The following CPLX1 variants were observed in gnomAD, a reference collection of about 807,000 sequenced individuals.
CPLX1 encodes the protein complexin-1.
Under a neutral mutation model 15.6 loss-of-function variants are expected in CPLX1, and 6 were observed. The ratio of observed to expected loss-of-function variants is 0.39; its 90% confidence interval spans 0.21 to 0.76. The LOEUF is 0.76. Among genes scored for constraint, CPLX1 ranks in the 30% least tolerant of loss-of-function variants. The pLI, the probability that CPLX1 is intolerant of heterozygous loss-of-function variation, is 0.43. For missense variants in CPLX1, 242 were observed against 188.6 expected, an observed-to-expected ratio of 1.28 and a Z score of -1.66; for synonymous variants, 91 against 75.2, an observed-to-expected ratio of 1.21 and a Z score of -1.08.
intron 2 of CPLX1, chr4:805,005 C>T (rs1036769886): frequency 1.1e-6 from 1 of 896,606 alleles, no homozygotes; most frequent in Non-Finnish European, 1.3e-6. Flanking sequence ...TGTGGAGAAA[C>T]GTGCCCACGC....
At chr4:799,731 C>T (rs1227475505) in intron 2 of CPLX1, among the ~76,000 whole-genome samples, 1 of 152,150 alleles carries the variant, frequency 6.6e-6, no homozygotes, top group Non-Finnish European at 1.5e-5. Context: ...GGCATGGTGG[C>T]ATGTGCCTGT....
chr4:824,407 T>A lies in CPLX1; in HGVS notation c.31+85A>T, dbSNP rs1210753702. 3 of 1,251,696 alleles carry A rather than the reference T, an allele frequency of 2.4e-6. No individual in the cohort carries two copies. In the African/African-American group the frequency reaches 4.4e-5, roughly 18 times the overall value. The allele number at this position is 1,251,696 out of a possible 1,614,324, so 77.5% of individuals were successfully genotyped here. On this transcript the variant is annotated intron_variant, in intron 2 of 3. Transcript: ENST00000304062. ...GGCCGTGTGGCTGCAGGGGCGCTGC[T>A]GCGGTGGGCCAGATGAGGAGCAGCT... is the stretch of plus-strand genomic sequence containing the variant.
intron 2 of CPLX1, among the ~76,000 whole-genome samples, chr4:800,724 TAAA>T (rs200021525): frequency 0.4 from 30,070 of 75,932 alleles, 4,094 homozygotes; most frequent in South Asian, 0.51. Context: ...CCGTCTCTAC[TAAA>T]AAAAAAAATA....
chr4:825,167 A>C (rs1489420043), intron 1 of CPLX1, among the ~76,000 whole-genome samples: 3 of 151,492 alleles, frequency 2.0e-5, no homozygotes, highest in Non-Finnish European at 1.5e-5. Context: ...CTCAGCCTTC[A>C]GGAAACACGT....
intron 2 of CPLX1, among the ~76,000 whole-genome samples, chr4:794,994 G>A (rs1216633403): frequency 6.6e-6 from 1 of 152,230 alleles, no homozygotes; most frequent in Non-Finnish European, 1.5e-5. Context: ...GCCCTGGGCT[G>A]GTCCAGGCGC....
chr4:807,497 G>A (rs1005100820), intron 2 of CPLX1, among the ~76,000 whole-genome samples: 18 of 151,710 alleles, frequency 1.2e-4, no homozygotes, highest in African/African-American at 4.3e-4. Flanking sequence ...TTTTGAGATG[G>A]AGTTTCATTC....
rs548841510 is a variant in CPLX1, at chr4:817,911, C to T, written c.31+6581G>A. ...AGTATCTCAGAATATTTTCCCCATC[C>T]GGTGTCAAGGAATAAACCAGCATCT... On this transcript the variant is annotated intron_variant, in intron 2 of 3. Coordinates refer to ENST00000304062, the MANE Select transcript of CPLX1 (RefSeq NM_006651.4). Among the ~76,000 whole-genome samples the T allele has an allele frequency of 1.3e-4, 20 of 152,282 alleles. No homozygotes were observed. In the East Asian group the frequency reaches 3.3e-3, roughly 25 times the overall value.
At chr4:822,196 C>G (rs1476385138) in intron 2 of CPLX1, among the ~76,000 whole-genome samples, 1 of 151,608 alleles carries the variant, frequency 6.6e-6, no homozygotes, top group African/African-American at 2.4e-5. Context: ...CCCTCTGTCT[C>G]TGTCTCCATC....
In CPLX1 at chr4:812,000, A is replaced by C. The variant is rs937958625; in HGVS notation, c.31+12492T>G. On this transcript the variant is annotated intron_variant, in intron 2 of 3. Coordinates refer to ENST00000304062, the MANE Select transcript of CPLX1 (RefSeq NM_006651.4). ...CTTGCACTGAAATCTCCTTGGTCTT[A>C]TATTAATATAGCCACTCAAGTTTTC... Among the ~76,000 whole-genome samples the C allele has an allele frequency of 4.6e-5, 7 of 152,252 alleles. No individual in the cohort carries two copies. The South Asian group carries it at 6.2e-4, about 14-fold the overall frequency.
At chr4:821,450 G>A (rs909823898) in intron 2 of CPLX1, among the ~76,000 whole-genome samples, 55 of 152,186 alleles carry the variant, frequency 3.6e-4, no homozygotes, top group Admixed American at 9.2e-4. Context: ...GGACCTGAGC[G>A]TGTTTAAACA....
chr4:817,773 C>T (rs1746785998), intron 2 of CPLX1, among the ~76,000 whole-genome samples: 1 of 152,214 alleles, frequency 6.6e-6, no homozygotes, highest in African/African-American at 2.4e-5. Flanking sequence ...GGCTCCCTTC[C>T]CCTCCACTTC....
At chr4:799,811 C>T (rs1030940594) in intron 2 of CPLX1, among the ~76,000 whole-genome samples, 1 of 152,102 alleles carries the variant, frequency 6.6e-6, no homozygotes, top group African/African-American at 2.4e-5. Context: ...TGCAGTGAGC[C>T]GAGATTGCAC....
intron 3 of CPLX1, chr4:787,768 G>C (rs3816675): frequency 0.27 from 267,369 of 984,552 alleles, 38,367 homozygotes; most frequent in African/African-American, 0.52. Flanking sequence ...GCCTCCCCAC[G>C]CCACACTCCT....
At chr4:801,429 A>G (rs566503267) in intron 2 of CPLX1, among the ~76,000 whole-genome samples, 20 of 152,358 alleles carry the variant, frequency 1.3e-4, no homozygotes, top group African/African-American at 4.6e-4. Context: ...ACATTTCACC[A>G]AAGAAGAGAA....
chr4:822,718 C>T (rs1049922846), intron 2 of CPLX1, among the ~76,000 whole-genome samples: 3 of 152,164 alleles, frequency 2.0e-5, no homozygotes, highest in Non-Finnish European at 4.4e-5. Flanking sequence ...TCCCCCATTT[C>T]CCATCTCTGT....
At chr4:825,551 C>T (rs1746963056) in intron 1 of CPLX1, among the ~76,000 whole-genome samples, 2 of 151,990 alleles carry the variant, frequency 1.3e-5, no homozygotes, top group Admixed American at 6.5e-5. Flanking sequence ...ACCCGCACCC[C>T]TCGGCTTTGC....
intron 2 of CPLX1, among the ~76,000 whole-genome samples, chr4:822,552 C>T (rs552127672): frequency 2.0e-5 from 3 of 152,258 alleles, no homozygotes; most frequent in South Asian, 4.2e-4. Flanking sequence ...TCCAGCTCCC[C>T]CTCCCCGACC....
intron 2 of CPLX1, among the ~76,000 whole-genome samples, chr4:817,511 T>G (rs1486431575): frequency 6.6e-6 from 1 of 151,586 alleles, no homozygotes; most frequent in Non-Finnish European, 1.5e-5. Context: ...GAGCTGAGAT[T>G]GCGCCACTGC....
intron 2 of CPLX1, among the ~76,000 whole-genome samples, chr4:823,897 C>T (rs1473110330): frequency 1.3e-5 from 2 of 152,270 alleles, no homozygotes; most frequent in Non-Finnish European, 2.9e-5. Context: ...CACGTCCCGC[C>T]TGGGAGGCAG....
Sources: allele counts gnomAD v4.1 joint callset (sites outside exome capture counted in the v4.1 genomes callset), GRCh38; gene constraint gnomAD v4.1.1; transcripts MANE v1.5; gene names NCBI Gene and HGNC (gene_info 2026-07-23, HGNC 2026-07-21).